EPB41L1: variants seen among roughly 807,000 people sequenced by gnomAD.
EPB41L1 encodes erythrocyte membrane protein band 4.1 like 1.
In EPB41L1, 29 loss-of-function variants were observed where a neutral mutation model predicts 97.8. The ratio of observed to expected loss-of-function variants is 0.30; its 90% CI spans 0.22 to 0.40. EPB41L1 has a LOEUF of 0.40. Ranked by LOEUF, EPB41L1 falls within the 10% of genes least tolerant of loss-of-function variation. EPB41L1 has a pLI of 1.00. For synonymous variants in EPB41L1, 383 were observed against 459.2 expected (o/e 0.83, Z 2.12); for missense variants, 812 against 1,162.3 (o/e 0.70, Z 4.38).
At chr20:36,201,370 C>T (rs2062489704) in intron 14 of EPB41L1, among the ~76,000 whole-genome samples, 1 of 152,170 alleles carries the variant, frequency 6.6e-6, no homozygotes, top group African/African-American at 2.4e-5. Flanking sequence ...GAGGCAGGCT[C>T]TGACTTCCAT....
At chr20:36,196,970 A>G (rs929197644) in intron 13 of EPB41L1, among the ~76,000 whole-genome samples, 3 of 152,192 alleles carry the variant, frequency 2.0e-5, no homozygotes, top group East Asian at 3.9e-4. Context: ...CTCTGGCTAT[A>G]CCTGGCTCAA....
chr20:36,157,531 A>G (rs1487637141), intron 1 of EPB41L1, among the ~76,000 whole-genome samples: 4 of 152,204 alleles, frequency 2.6e-5, no homozygotes, highest in African/African-American at 7.2e-5. Flanking sequence ...ATCTGGAAGT[A>G]CCAGGTTGGT....
Position 36,129,305 on chromosome 20 carries a change from G to C in EPB41L1, c.-10+16825G>C, listed in dbSNP as rs144544894. On this transcript the variant is annotated intron_variant, in intron 2 of 19. Transcript: ENST00000202028. Reference sequence around the variant, plus strand: ...CGTGAGGCCTCTTCTGTTTTGCTTGGGCTGGACTGCGGGGTGAATGGCCAC... The same window carrying C: ...CGTGAGGCCTCTTCTGTTTTGCTTGCGCTGGACTGCGGGGTGAATGGCCAC... Among the ~76,000 whole-genome samples the C allele has an allele frequency of 2.2e-4, 34 of 152,178 alleles. No individual in the cohort carries two copies. In the East Asian group the frequency reaches 6.6e-3, roughly 29 times the overall value.
rs1485480117 is a variant in EPB41L1 at position 36,195,300 on chromosome 20, T to C, written c.1450-29T>C. On this transcript the variant is annotated intron_variant, in intron 12 of 21. Transcript: ENST00000338074. The surrounding 1 kb of genome is among the most constrained non-coding windows in gnomAD (Gnocchi z 4.6). ...CCATCTGCTCTACTGACCCTGCTGC[T>C]TTCTTTCCCTCCTACCACATCCCAC... 1 of 1,613,886 alleles carries C rather than the reference T, an allele frequency of 6.2e-7. No homozygotes were observed. Among genetic ancestry groups the C allele is most frequent in the African/African-American group, 1.3e-5 (1 of 74,876 alleles).
chr20:36,213,348 T>C (rs1488148714), intron 16 of EPB41L1, among the ~76,000 whole-genome samples: 1 of 152,096 alleles, frequency 6.6e-6, no homozygotes, highest in African/African-American at 2.4e-5. Flanking sequence ...CAGTGAACTA[T>C]GAGCTATGAT....
At position 36,206,738 on chromosome 20, in the gene EPB41L1, G is replaced by A; in HGVS notation, c.1669-2750G>A. 1.6e-6 allele frequency: 2 copies of A among 1,289,902 alleles called. No individual in the cohort carries two copies. Among genetic ancestry groups the A allele is most frequent in the Non-Finnish European group, 2.0e-6 (2 of 988,896 alleles). The allele number at this position is 1,289,902 out of a possible 1,614,324, so 79.9% of individuals were successfully genotyped here. The stretch of plus-strand genomic sequence containing the variant: ...CCCGCAGGACAGACGTTTGCTGAAG[G>A]CTGGGAAGATGCCCAGTGGGGAGTG... On this transcript the variant is annotated intron_variant, in intron 14 of 21. Coordinates refer to ENST00000338074, the MANE Select transcript of EPB41L1 (RefSeq NM_012156.2). The surrounding 1 kb of genome is among the most constrained non-coding windows in gnomAD (Gnocchi z 5.5).
chr20:36,190,853 A>T lies in EPB41L1; in HGVS notation c.1300+56A>T. On this transcript the variant is annotated intron_variant, in intron 11 of 21. Coordinates refer to ENST00000338074, the MANE Select transcript of EPB41L1 (RefSeq NM_012156.2). The surrounding 1 kb of genome is among the most constrained non-coding windows in gnomAD (Gnocchi z 5.8). ...AATGGTCTTCAGAGGGAACTGGGGG[A>T]GTGGGCATGCTGGGTTCTGCAGAAT... 1 of 1,599,280 alleles carries T rather than the reference A, an allele frequency of 6.3e-7. No individual in the cohort carries two copies.
At chr20:36,130,357 C>T (rs1345973102) in intron 2 of EPB41L1, among the ~76,000 whole-genome samples, 4 of 151,910 alleles carry the variant, frequency 2.6e-5, no homozygotes, top group Non-Finnish European at 4.4e-5. Context: ...TGGAGTGTTT[C>T]CTTTCACCAG....
At chr20:36,110,733 A>AT (rs2058375154) in intron 1 of EPB41L1, 1 of 152,214 alleles carries the variant, frequency 6.6e-6, no homozygotes, top group Admixed American at 6.6e-5. Context: ...CTATCCACAC[A>AT]TATCTACTTT....
upstream of EPB41L1, chr20:36,153,158 C>G: frequency 2.2e-6 from 1 of 453,388 alleles, no homozygotes. Context: ...GCAATTGTAT[C>G]TTGAGTTCTC....
chr20:36,187,690 G>A lies in EPB41L1; in HGVS notation c.800G>A (p.Gly267Glu). Residue 267 changes from glycine (G) to glutamate (E), a missense_variant, in exon 8 of 22, where the codon GGA (glycine) becomes GAA (glutamate). Coordinates refer to ENST00000338074, the MANE Select transcript of EPB41L1 (RefSeq NM_012156.2). ...CTTTCCCTCAGGGGGATGACCCCGG[G>A]AGAAGCAGAAATCCACTTCTTAGAG... is the stretch of plus-strand genomic sequence containing the variant. Reference protein sequence around the residue: ...LHKTYRGMTPGEAEIHFLENA... With the variant: ...LHKTYRGMTPEEAEIHFLENA... 3.1e-6 allele frequency: 5 copies of A among 1,614,064 alleles called. No individual in the cohort carries two copies. Among genetic ancestry groups the A allele is most frequent in the Non-Finnish European group, 2.5e-6 (3 of 1,179,990 alleles).
intron 1 of EPB41L1, among the ~76,000 whole-genome samples, chr20:36,103,804 G>A (rs1197330823): frequency 1.3e-5 from 2 of 149,792 alleles, no homozygotes; most frequent in East Asian, 2.0e-4. Context: ...CTGGGTTCAC[G>A]CCATTCTCCT....
Position 36,190,891 on chromosome 20 carries a change from G to C in EPB41L1, c.1300+94G>C. On this transcript the variant is annotated intron_variant, in intron 11 of 21. Coordinates refer to ENST00000338074, the MANE Select transcript of EPB41L1 (RefSeq NM_012156.2). The surrounding 1 kb of genome is among the most constrained non-coding windows in gnomAD (Gnocchi z 5.8). ...GGTTCTGCAGAATGAGCAGGAAAAT[G>C]GTAGATGCATCCCAAGTTCATCTGC... 1.3e-6 allele frequency: 2 copies of C among 1,510,380 alleles called. No homozygotes were observed. The highest frequency in any genetic ancestry group is 3.8e-5 in the Admixed American group (2 of 53,258). 93.6% of individuals were successfully genotyped at this position (1,510,380 alleles called of 1,614,324 possible). A position where few individuals can be genotyped will look rare whatever the true frequency, so the allele number is the denominator to read the frequency against.
chr20:36,221,071 C>T (rs751231449), intron 19 of EPB41L1, among the ~76,000 whole-genome samples: 9 of 152,238 alleles, frequency 5.9e-5, no homozygotes, highest in African/African-American at 1.4e-4. Flanking sequence ...TTACATCCCA[C>T]GCCCACAGCA....
chr20:36,132,280 C>G (rs370626789), intron 2 of EPB41L1, among the ~76,000 whole-genome samples: 3 of 152,120 alleles, frequency 2.0e-5, no homozygotes, highest in Non-Finnish European at 2.9e-5. Context: ...AGGATCCTCA[C>G]CTGGCCTTTT....
At chr20:36,219,521 T>C (rs1601067638) in intron 18 of EPB41L1, among the ~76,000 whole-genome samples, 2 of 152,210 alleles carry the variant, frequency 1.3e-5, no homozygotes, top group South Asian at 4.1e-4. Context: ...AATTCTAGGG[T>C]ATTGTTAGGA....
chr20:36,229,511 T>C lies in EPB41L1; in HGVS notation c.*171T>C, dbSNP rs990515310. The C allele has an allele frequency of 3.0e-5, 19 of 633,650 alleles. No individual in the cohort carries two copies. Among genetic ancestry groups the C allele is most frequent in the East Asian group, 5.6e-5 (2 of 35,614 alleles). The allele number at this position is 633,650 out of a possible 1,614,324, so 39.3% of individuals were successfully genotyped here. On this transcript the variant is annotated 3_prime_UTR_variant, in exon 22 of 22. Transcript: ENST00000338074. ...ATATATATATAGATATATAGAGATA[T>C]AGATATATATACAGGAAACACCGCA...
Position 36,232,664 on chromosome 20 carries a change from T to C in EPB41L1, c.*3324T>C, listed in dbSNP as rs902127090. ...AACAACCAATTGCGATGCTGTCCTG[T>C]TCCTTTTTACTCACACCCTTCTCTC... is the stretch of plus-strand genomic sequence containing the variant. On this transcript the variant is annotated 3_prime_UTR_variant, in exon 22 of 22. Coordinates refer to ENST00000338074, the MANE Select transcript of EPB41L1 (RefSeq NM_012156.2). 7.5e-6 allele frequency: 3 copies of C among 399,032 alleles called. No homozygotes were observed. Among genetic ancestry groups the C allele is most frequent in the African/African-American group, 6.2e-5 (3 of 48,614 alleles). The allele number at this position is 399,032 out of a possible 1,614,324, so 24.7% of individuals were successfully genotyped here.
chr20:36,165,782 T>C (rs974433865), intron 1 of EPB41L1, among the ~76,000 whole-genome samples: 3 of 152,220 alleles, frequency 2.0e-5, no homozygotes, highest in Non-Finnish European at 4.4e-5. Context: ...GTGGTCCCAG[T>C]TCTGAGTTCA....
Sources: allele counts gnomAD v4.1 joint callset (sites outside exome capture counted in the v4.1 genomes callset), GRCh38; gene constraint gnomAD v4.1.1; non-coding constraint Gnocchi (gnomAD v3.1); transcripts MANE v1.5; gene names NCBI Gene and HGNC (gene_info 2026-07-23, HGNC 2026-07-21).